Variants in DENR observed in about 807,000 individuals in gnomAD.
DENR encodes the protein density regulated re-initiation and release factor.
Under a neutral mutation model 30.6 loss-of-function variants are expected in DENR, and 6 were observed. The ratio of observed to expected loss-of-function variants is 0.20; its 90% CI spans 0.11 to 0.39. The LOEUF (loss-of-function observed/expected upper bound fraction) is 0.39. DENR is among the 10% of genes least tolerant of loss of function. The pLI, the probability that DENR is intolerant of heterozygous loss-of-function variation, is 1.00. For missense variants in DENR, 141 were observed against 230.9 expected, an observed-to-expected ratio of 0.61 and a Z score of 2.52; for synonymous variants, 78 against 72.1, an observed-to-expected ratio of 1.08 and a Z score of -0.41.
At chr12:122,761,094 C>G (rs1228645670) in intron 2 of DENR, among the ~76,000 whole-genome samples, 1 of 151,380 alleles carries the variant, frequency 6.6e-6, no homozygotes, top group Non-Finnish European at 1.5e-5. Context: ...GCCTGAGTGA[C>G]AGAGTGAGAG....
At chr12:122,766,435 C>T (rs1180466721) in intron 5 of DENR, among the ~76,000 whole-genome samples, 1 of 152,204 alleles carries the variant, frequency 6.6e-6, no homozygotes, top group Non-Finnish European at 1.5e-5. Flanking sequence ...TCTCATTCTG[C>T]ACGTTCTTGT....
chr12:122,765,942 A>G (rs1028487584), intron 5 of DENR, among the ~76,000 whole-genome samples: 14 of 151,988 alleles, frequency 9.2e-5, no homozygotes, highest in Non-Finnish European at 1.8e-4. Flanking sequence ...CTCCTTCTCA[A>G]ACCAACTCCT....
At chr12:122,765,674 T>C (rs1049419613) in intron 5 of DENR, among the ~76,000 whole-genome samples, 2 of 152,168 alleles carry the variant, frequency 1.3e-5, no homozygotes, top group Admixed American at 6.5e-5. Context: ...GTACCTGTTA[T>C]TGTAATTCCC....
chr12:122,760,468 A>T (rs536683808), intron 2 of DENR, among the ~76,000 whole-genome samples: 3 of 151,506 alleles, frequency 2.0e-5, no homozygotes, highest in South Asian at 4.2e-4. Context: ...GCGGTGGCTC[A>T]CTCCTGTAAT....
At chr12:122,759,408 A>G (rs1327827034) in intron 2 of DENR, among the ~76,000 whole-genome samples, 1 of 152,034 alleles carries the variant, frequency 6.6e-6, no homozygotes, top group Non-Finnish European at 1.5e-5. Flanking sequence ...CAATTTTTTT[A>G]TTGCATTAGA....
chr12:122,762,832 T>G lies in DENR; in HGVS notation c.127-13T>G. On this transcript the variant is annotated splice_polypyrimidine_tract_variant and intron_variant, in intron 3 of 7. Transcript: ENST00000280557. Reference sequence around the variant, plus strand: ...ATGTTTTGTTGTGACTCAGTTCTTTTTTTTTCTCCTAGTACTGTGAATATA... The same window carrying G: ...ATGTTTTGTTGTGACTCAGTTCTTTGTTTTTCTCCTAGTACTGTGAATATA... 1 of 1,503,242 alleles carries G rather than the reference T, an allele frequency of 6.7e-7. No homozygotes were observed. Among genetic ancestry groups the G allele is most frequent in the Non-Finnish European group, 9.0e-7 (1 of 1,116,256 alleles). The allele number at this position is 1,503,242 out of a possible 1,614,324, so 93.1% of individuals were successfully genotyped here. A position where few individuals can be genotyped will look rare whatever the true frequency, so the allele number is the denominator to read the frequency against.
At chr12:122,762,786 C>T (rs976620752) in intron 3 of DENR, 59 bp from the exon 4 acceptor site, 36 of 1,097,614 alleles carry the variant, frequency 3.3e-5, no homozygotes, top group African/African-American at 3.1e-4. Context: ...TTTTTAATTA[C>T]GACATATTGT....
chr12:122,762,704 G>A (rs889436004), intron 3 of DENR, 141 bp from the exon 4 acceptor site: 4 of 639,652 alleles, frequency 6.3e-6, no homozygotes, highest in Non-Finnish European at 1.1e-5. Context: ...GTTGAATACA[G>A]ATTTCCTGTG....
intron 2 of DENR, among the ~76,000 whole-genome samples, chr12:122,759,173 G>C (rs1878631702): frequency 6.6e-6 from 1 of 152,128 alleles, no homozygotes; most frequent in African/African-American, 2.4e-5. Context: ...AAGTTAAACA[G>C]ATTTTGGCAA....
At chr12:122,761,161 C>G (rs1229371031) in intron 2 of DENR, among the ~76,000 whole-genome samples, 1 of 152,132 alleles carries the variant, frequency 6.6e-6, no homozygotes, top group African/African-American at 2.4e-5. Flanking sequence ...CCTGTAATCC[C>G]AGCACTTTGG....
intron 1 of DENR, among the ~76,000 whole-genome samples, chr12:122,753,325 C>T (rs1566057836): frequency 6.6e-6 from 1 of 152,078 alleles, no homozygotes; most frequent in Non-Finnish European, 1.5e-5. Flanking sequence ...CCATTCGGCG[C>T]CTTTGTAGCC....
At chr12:122,758,426 C>G (rs947024159) in intron 2 of DENR, among the ~76,000 whole-genome samples, 1 of 152,182 alleles carries the variant, frequency 6.6e-6, no homozygotes, top group Non-Finnish European at 1.5e-5. Flanking sequence ...AAGACCACCA[C>G]AGAAGTGCTG....
In DENR at chr12:122,753,605, G is replaced by C; in HGVS notation, c.-9-88G>C. The stretch of plus-strand genomic sequence containing the variant: ...AACAACAGACTTGAAACAGCTTTGG[G>C]GTGGGGAGGTTTCTGTTGAGAGGAA... On this transcript the variant is annotated intron_variant, in intron 1 of 7. Transcript: ENST00000280557. The C allele has an allele frequency of 7.4e-6, 7 of 948,740 alleles. No individual in the cohort carries two copies. In the East Asian group the frequency reaches 1.8e-4, roughly 25 times the overall value. 58.8% of individuals were successfully genotyped at this position (948,740 alleles called of 1,614,324 possible).
At chr12:122,759,257 A>G (rs114323075) in intron 2 of DENR, among the ~76,000 whole-genome samples, 1,857 of 152,350 alleles carry the variant, frequency 0.012, 40 homozygotes, top group African/African-American at 0.043. Context: ...ATGTTTCACT[A>G]TTAGTGATGC....
Position 122,770,989 on chromosome 12 carries a change from C to T in DENR, c.*1911C>T. The T allele has an allele frequency of 5.6e-6, 2 of 359,822 alleles. No individual in the cohort carries two copies. Among genetic ancestry groups the T allele is most frequent in the Admixed American group, 4.6e-5 (1 of 21,522 alleles). The allele number at this position is 359,822 out of a possible 1,614,324, so 22.3% of individuals were successfully genotyped here. Reference sequence around the variant, plus strand: ...TTGTGTTCACAGTTCTTAGCAAATGCAGTTACAATCCATAGATAGCCAGCA... The same window carrying T: ...TTGTGTTCACAGTTCTTAGCAAATGTAGTTACAATCCATAGATAGCCAGCA... On this transcript the variant is annotated 3_prime_UTR_variant, in exon 8 of 8. Coordinates refer to ENST00000280557, the MANE Select transcript of DENR (RefSeq NM_003677.5).
chr12:122,756,964 A>G (rs1377846918), intron 2 of DENR, among the ~76,000 whole-genome samples: 1 of 152,192 alleles, frequency 6.6e-6, no homozygotes, highest in Non-Finnish European at 1.5e-5. Context: ...AAAATAAATT[A>G]TGGTAGGATG....
rs1878994944 is a variant in DENR, at chr12:122,770,075, T to C, written c.*997T>C. ...ACAATAACATAACTGTTGGTAGGAG[T>C]TGTTTGAGCTATTCTGGAGATTATT... On this transcript the variant is annotated 3_prime_UTR_variant, in exon 8 of 8. Transcript: ENST00000280557. 1 of 152,510 alleles carries C rather than the reference T, an allele frequency of 6.6e-6. No homozygotes were observed. The highest frequency in any genetic ancestry group is 2.4e-5 in the African/African-American group (1 of 41,362). The allele number at this position is 152,510 out of a possible 1,614,324, so 9.4% of individuals were successfully genotyped here.
At chr12:122,767,688 C>A in intron 6 of DENR, 84 bp downstream of exon 6, 1 of 701,198 alleles carries the variant, frequency 1.4e-6, no homozygotes, top group Non-Finnish European at 2.1e-6. Context: ...CTCTCTCTCT[C>A]ACATACCATG....
In DENR at chr12:122,770,360, T is replaced by G. The variant is rs1002512122; in HGVS notation, c.*1282T>G. 5 of 352,884 alleles carry G rather than the reference T, an allele frequency of 1.4e-5. No homozygotes were observed. Among genetic ancestry groups the G allele is most frequent in the African/African-American group, 1.0e-4 (5 of 47,798 alleles). 21.9% of individuals were successfully genotyped at this position (352,884 alleles called of 1,614,324 possible). On this transcript the variant is annotated 3_prime_UTR_variant, in exon 8 of 8. Transcript: ENST00000280557. ...TTTAAAGAATCATATTTTCTAAGAT[T>G]ATTTGGAAGCATGTTTGGTAATGTC...
Sources: allele counts gnomAD v4.1 joint callset (sites outside exome capture counted in the v4.1 genomes callset), GRCh38; gene constraint gnomAD v4.1.1; transcripts MANE v1.5; gene names NCBI Gene and HGNC (gene_info 2026-07-23, HGNC 2026-07-21).